PRKCQ: variants seen among roughly 807,000 people sequenced by gnomAD.
PRKCQ encodes protein kinase C theta type.
Under a neutral mutation model 91.2 loss-of-function variants are expected in PRKCQ, and 41 were observed. The observed-to-expected ratio is 0.45, with a 90% CI of 0.35 to 0.58. The LOEUF is 0.58. Ranked by LOEUF, PRKCQ falls within the 20% of genes least tolerant of loss-of-function variation. The pLI is 0.00. For synonymous variants in PRKCQ, 307 were observed against 316.9 expected (o/e 0.97, Z 0.33); for missense variants, 673 against 896.5 (o/e 0.75, Z 3.18).
chr10:6,470,703 C>G (rs186831550), intron 12 of PRKCQ, among the ~76,000 whole-genome samples: 11 of 152,202 alleles, frequency 7.2e-5, no homozygotes, highest in Admixed American at 5.2e-4. Flanking sequence ...ATAATCCCAG[C>G]ATTTTGGGAG....
chr10:6,476,313 C>CAAAAAAAAAAAAAAAAAAAAGAAAAAAA (rs34526387), intron 12 of PRKCQ, among the ~76,000 whole-genome samples: 1 of 116,048 alleles, frequency 8.6e-6, no homozygotes, highest in Non-Finnish European at 1.7e-5. Context: ...ACATGCAAAT[C>CAAAAAAAAAAAAAAAAAAAAGAAAAAAA]AAAAAAAAAA....
chr10:6,414,973 T>G, the PRKCQ span, among the ~76,000 whole-genome samples: 2 of 151,806 alleles, frequency 1.3e-5, no homozygotes, highest in Non-Finnish European at 2.9e-5. Flanking sequence ...TTAATTTAAT[T>G]TTTTTTTGAG....
At chr10:6,504,978 C>T (rs1473709588) in intron 4 of PRKCQ, among the ~76,000 whole-genome samples, 1 of 151,390 alleles carries the variant, frequency 6.6e-6, no homozygotes, top group Non-Finnish European at 1.5e-5. Context: ...ACTGCAAGCT[C>T]CGCCTCCCGG....
At position 6,541,178 on chromosome 10, in the gene PRKCQ, C is replaced by T. The variant is rs150821163; in HGVS notation, c.-9-26034G>A. 5.3e-5 allele frequency among the ~76,000 whole-genome samples: 8 copies of T among 152,312 alleles called. No homozygotes were observed. The East Asian group carries it at 7.7e-4, about 15-fold the overall frequency. ...TAGAAATGTCAACTAACTAAAACCC[C>T]GGAGTCCTGTTCATCATAATGTTCT... On this transcript the variant is annotated intron_variant, in intron 1 of 17. Transcript: ENST00000263125.
intron 1 of PRKCQ, among the ~76,000 whole-genome samples, chr10:6,517,102 T>A (rs1246633888): frequency 6.6e-6 from 1 of 152,168 alleles, no homozygotes; most frequent in Admixed American, 6.5e-5. Context: ...TCTTCACACA[T>A]CATTCAATAG....
intron 1 of PRKCQ, among the ~76,000 whole-genome samples, chr10:6,554,396 G>T (rs1840330620): frequency 6.6e-6 from 1 of 152,198 alleles, no homozygotes; most frequent in Non-Finnish European, 1.5e-5. Flanking sequence ...GAGACAATAT[G>T]AGAACAGTTT....
At chr10:6,495,277 A>G (rs958343598) in intron 7 of PRKCQ, among the ~76,000 whole-genome samples, 1 of 152,198 alleles carries the variant, frequency 6.6e-6, no homozygotes, top group African/African-American at 2.4e-5. Context: ...GGCTCCAAAG[A>G]AACCCCGCAT....
chr10:6,485,070 T>C (rs1836826075), intron 10 of PRKCQ, 82 bp downstream of exon 10: 1 of 1,247,042 alleles, frequency 8.0e-7, no homozygotes, highest in Admixed American at 1.7e-5. Flanking sequence ...GGTAAGCTGA[T>C]AACTTAAATC....
intron 4 of PRKCQ, among the ~76,000 whole-genome samples, chr10:6,506,800 T>C (rs1838221736): frequency 6.6e-6 from 1 of 152,232 alleles, no homozygotes. Context: ...TACATGTCCA[T>C]GCTGTGACTT....
At chr10:6,466,278 C>T (rs545322617) in intron 12 of PRKCQ, among the ~76,000 whole-genome samples, 8 of 152,302 alleles carry the variant, frequency 5.3e-5, no homozygotes, top group Non-Finnish European at 1.2e-4. Context: ...AACAGTTCAG[C>T]CCCACTCCCA....
rs1451610612 is a variant in PRKCQ at position 6,580,217 on chromosome 10, C to G, written c.-16G>C. ...GCGGGGCGCGGGGCCCTACCTGGAG[C>G]GAGCACGGCGCCGCTGCTGCCCGGT... On this transcript the variant is annotated 5_prime_UTR_variant, in exon 1 of 18. Coordinates refer to ENST00000263125, the MANE Select transcript of PRKCQ (RefSeq NM_006257.5). 2.6e-5 allele frequency: 4 copies of G among 152,642 alleles called. No homozygotes were observed. The highest frequency in any genetic ancestry group is 7.2e-5 in the African/African-American group (3 of 41,380). 9.5% of individuals were successfully genotyped at this position (152,642 alleles called of 1,614,324 possible).
At chr10:6,428,740 G>A (rs575332817) in intron 17 of PRKCQ, among the ~76,000 whole-genome samples, 1 of 152,290 alleles carries the variant, frequency 6.6e-6, no homozygotes, top group Admixed American at 6.5e-5. Flanking sequence ...AGGGAGGGTG[G>A]TGGGGAGAGG....
At chr10:6,479,969 A>G (rs1427520418) in intron 11 of PRKCQ, among the ~76,000 whole-genome samples, 1 of 151,924 alleles carries the variant, frequency 6.6e-6, no homozygotes, top group Non-Finnish European at 1.5e-5. Context: ...AAAAAAATAA[A>G]TAAGTAAACA....
chr10:6,527,861 A>C (rs1482903256), intron 1 of PRKCQ, among the ~76,000 whole-genome samples: 2 of 152,206 alleles, frequency 1.3e-5, no homozygotes, highest in Non-Finnish European at 2.9e-5. Flanking sequence ...CTAGGACTGC[A>C]ACCTAAGCTT....
rs146128487 is a variant in PRKCQ at position 6,574,773 on chromosome 10, C to T, written c.-10+5438G>A. ...TGCTCATTTCCACTCATCTGCAAGG[C>T]TTAGACTGGACTGCACTGGGATTCC... On this transcript the variant is annotated intron_variant, in intron 1 of 17. Coordinates refer to ENST00000263125, the MANE Select transcript of PRKCQ (RefSeq NM_006257.5). Among the ~76,000 whole-genome samples the T allele has an allele frequency of 1.2e-4, 18 of 152,324 alleles. No homozygotes were observed. The East Asian group carries it at 3.3e-3, about 28-fold the overall frequency.
chr10:6,457,747 TGCCAC>T (rs1418116573), intron 14 of PRKCQ, among the ~76,000 whole-genome samples: 1 of 152,196 alleles, frequency 6.6e-6, no homozygotes, highest in Non-Finnish European at 1.5e-5. Context: ...TCTTGCCTTT[TGCCAC>T]GGTGGACTAA....
chr10:6,517,561 G>GA (rs941559001), intron 1 of PRKCQ, among the ~76,000 whole-genome samples: 3 of 113,524 alleles, frequency 2.6e-5, no homozygotes, highest in African/African-American at 7.1e-5. Context: ...CTACATGCCA[G>GA]AAAAAAATGC....
chr10:6,442,822 TGTG>T (rs1290075810), intron 15 of PRKCQ, among the ~76,000 whole-genome samples: 5 of 151,860 alleles, frequency 3.3e-5, no homozygotes, highest in Non-Finnish European at 7.4e-5. Flanking sequence ...ATTAACCAGG[TGTG>T]GTGGTGGGTG....
At chr10:6,419,098 T>C in the PRKCQ span, among the ~76,000 whole-genome samples, 7 of 152,296 alleles carry the variant, frequency 4.6e-5, no homozygotes, top group East Asian at 1.3e-3. Context: ...ACCTCTGTAT[T>C]ATTTTTCTAC....
Sources: allele counts gnomAD v4.1 joint callset (sites outside exome capture counted in the v4.1 genomes callset), GRCh38; gene constraint gnomAD v4.1.1; transcripts MANE v1.5; gene names NCBI Gene and HGNC (gene_info 2026-07-23, HGNC 2026-07-21).